The following GREB1L variants were observed in gnomAD, a reference collection of about 807,000 sequenced individuals.
GREB1L encodes GREB1 like retinoic acid receptor coactivator.
Under a neutral mutation model 200.8 loss-of-function variants are expected in GREB1L, and 17 were observed. That is an observed-to-expected ratio of 0.08 (90% confidence interval 0.06 to 0.13). The LOEUF is 0.13. Among genes scored for constraint, GREB1L ranks in the 10% least tolerant of loss-of-function variants. The pLI is 1.00. For missense variants in GREB1L, 1,657 were observed against 2,367.7 expected (o/e 0.70, Z 6.23); for synonymous variants, 789 against 893.0 (o/e 0.88, Z 2.08).
intron 16 of GREB1L, among the ~76,000 whole-genome samples, chr18:21,475,969 T>G (rs2035678662): frequency 1.7e-4 from 1 of 6,048 alleles, no homozygotes; most frequent in South Asian, 0.01. Flanking sequence ...AGACTCCGTC[T>G]CAAAAAAAAA....
rs1306067078 is a variant in GREB1L at position 21,451,105 on chromosome 18, A to G, written c.1803A>G (p.Thr601=). ...AAGAAATTAGTTATGAGCTTATCACAGGAAAGGTCAGTTTCCTGGCATCAC... is the reference window on the plus strand; with the variant it reads ...AAGAAATTAGTTATGAGCTTATCACGGGAAAGGTCAGTTTCCTGGCATCAC... ...FLKEISYELI[T]GKVSFLASHF... Residue 601 remains threonine, a synonymous_variant, in exon 13 of 33, where the codon ACA becomes ACG. Coordinates refer to ENST00000424526, the MANE Select transcript of GREB1L (RefSeq NM_001142966.3). The G allele has an allele frequency of 4.5e-6, 7 of 1,551,606 alleles. No homozygotes were observed. In the African/African-American group the frequency reaches 9.6e-5, roughly 21 times the overall value.
chr18:21,369,720 GGCTTTACAA>G (rs2039801039), intron 2 of GREB1L, among the ~76,000 whole-genome samples: 1 of 151,774 alleles, frequency 6.6e-6, no homozygotes, highest in African/African-American at 2.4e-5. Context: ...AAATACTTTT[GGCTTTACAA>G]ACTATAAAAA....
intron 7 of GREB1L, among the ~76,000 whole-genome samples, chr18:21,405,018 G>A (rs2030006416): frequency 6.6e-6 from 1 of 152,168 alleles, no homozygotes; most frequent in Non-Finnish European, 1.5e-5. Context: ...ATTAGAATAT[G>A]TTAGCAGCAG....
chr18:21,307,465 T>G (rs2038718460), intron 1 of GREB1L, among the ~76,000 whole-genome samples: 1 of 152,230 alleles, frequency 6.6e-6, no homozygotes, highest in African/African-American at 2.4e-5. Flanking sequence ...GTCCTAACAC[T>G]GAGATTTTAA....
At chr18:21,519,345 C>A (rs929348192) in intron 31 of GREB1L, among the ~76,000 whole-genome samples, 4 of 152,048 alleles carry the variant, frequency 2.6e-5, no homozygotes, top group African/African-American at 9.7e-5. Context: ...CGCCTGTAGT[C>A]CCAGCTATTC....
intron 1 of GREB1L, among the ~76,000 whole-genome samples, chr18:21,281,096 A>G (rs912476789): frequency 3.3e-5 from 5 of 152,236 alleles, no homozygotes; most frequent in Non-Finnish European, 5.9e-5. Flanking sequence ...AAGGGAAGGT[A>G]TAGTTGCCTG....
chr18:21,508,714 G>GAAA, intron 27 of GREB1L, 123 bp downstream of exon 27: 3 of 320,888 alleles, frequency 9.3e-6, no homozygotes, highest in South Asian at 5.0e-5. Flanking sequence ...ACCACTCTTC[G>GAAA]GAAAAAAAAA....
At chr18:21,507,780 T>C (rs1006043047) in intron 25 of GREB1L, among the ~76,000 whole-genome samples, 12 of 152,222 alleles carry the variant, frequency 7.9e-5, no homozygotes, top group Non-Finnish European at 1.6e-4. Flanking sequence ...CCTTTAGGAA[T>C]GCATACAGAG....
rs1259845915 is a variant in GREB1L, at chr18:21,508,467, C to A, written c.4611C>A (p.Ala1537=). 37 of 1,551,550 alleles carry A rather than the reference C, an allele frequency of 2.4e-5. No homozygotes were observed. The East Asian group carries it at 9.0e-4, about 38-fold the overall frequency. Residue 1537 remains alanine (A), a synonymous_variant, in exon 27 of 33, where the codon GCC becomes GCA. Transcript: ENST00000424526. ...HEHGLLNLFH[A]MEGISHLHLL... is the part of the protein sequence containing the mutation. ...ACGGACTCCTAAACCTTTTCCACGCCATGGAGGGCATCAGCCACCTTCACC... is the reference window on the plus strand; with the variant it reads ...ACGGACTCCTAAACCTTTTCCACGCAATGGAGGGCATCAGCCACCTTCACC...
intron 15 of GREB1L, among the ~76,000 whole-genome samples, chr18:21,457,612 T>C (rs1477304414): frequency 6.6e-6 from 1 of 152,242 alleles, no homozygotes; most frequent in African/African-American, 2.4e-5. Flanking sequence ...GTGTACCTCT[T>C]TCCATGTCAT....
At chr18:21,376,754 G>A (rs1490620533) in intron 2 of GREB1L, among the ~76,000 whole-genome samples, 8 of 139,792 alleles carry the variant, frequency 5.7e-5, no homozygotes, top group Admixed American at 3.8e-4. Flanking sequence ...GCAGTGAGCC[G>A]AGATCACACC....
At chr18:21,440,478 T>C in intron 9 of GREB1L, 90 bp downstream of exon 9, 1 of 1,242,912 alleles carries the variant, frequency 8.0e-7, no homozygotes, top group Non-Finnish European at 1.1e-6. Context: ...TTCTTGACAA[T>C]GAGTTATATG....
chr18:21,383,448 G>A (rs1315156120), intron 2 of GREB1L, 62 bp from the exon 3 acceptor site: 1 of 1,255,450 alleles, frequency 8.0e-7, no homozygotes, highest in Non-Finnish European at 1.1e-6. Flanking sequence ...CCTGTACTTT[G>A]AGACATAGAA....
chr18:21,461,797 C>A (rs750979971), intron 15 of GREB1L, among the ~76,000 whole-genome samples: 22 of 152,148 alleles, frequency 1.4e-4, no homozygotes, highest in Non-Finnish European at 2.6e-4. Context: ...ATTTGCTGAA[C>A]AAATATTCAA....
chr18:21,468,989 C>T (rs2035376906), intron 15 of GREB1L: 10 of 287,718 alleles, frequency 3.5e-5, no homozygotes, highest in South Asian at 3.4e-4. Context: ...TGATGTTAAC[C>T]TTGATCACTT....
chr18:21,376,824 A>AAG (rs1321299996), intron 2 of GREB1L, among the ~76,000 whole-genome samples: 3 of 151,676 alleles, frequency 2.0e-5, no homozygotes, highest in African/African-American at 7.3e-5. Flanking sequence ...AAAAAAAAAA[A>AAG]AAAAAAAAAG....
intron 1 of GREB1L, among the ~76,000 whole-genome samples, chr18:21,309,352 A>G (rs1250415760): frequency 6.6e-6 from 1 of 152,160 alleles, no homozygotes. Context: ...AAAAGATCTG[A>G]CACTCCCTAT....
intron 1 of GREB1L, among the ~76,000 whole-genome samples, chr18:21,300,189 A>T (rs1368027943): frequency 6.6e-6 from 1 of 152,220 alleles, no homozygotes; most frequent in Admixed American, 6.5e-5. Context: ...CTGTTGTGTG[A>T]TGCTAATAGG....
chr18:21,519,033 A>C (rs2037522714), intron 31 of GREB1L, among the ~76,000 whole-genome samples: 2 of 152,244 alleles, frequency 1.3e-5, no homozygotes, highest in African/African-American at 4.8e-5. Flanking sequence ...AAGTCACTGT[A>C]TTCAGTTTTG....
Sources: gnomAD v4.1 joint callset for allele counts (sites outside exome capture counted in the v4.1 genomes callset) on GRCh38, gnomAD v4.1.1 for gene constraint, MANE v1.5 for transcripts, NCBI Gene and HGNC (gene_info 2026-07-23, HGNC 2026-07-21) for gene names.